The following CCDC38 variants were observed in gnomAD, a reference collection of about 807,000 sequenced individuals.
CCDC38 encodes the protein coiled-coil domain-containing protein 38.
In CCDC38, 69 loss-of-function variants were observed where a neutral mutation model predicts 72.8. That is an observed-to-expected ratio of 0.95 (90% CI 0.78 to 1.16). The LOEUF is 1.16. Ranked by LOEUF, CCDC38 falls within the 50% of genes most tolerant of loss-of-function variation. The pLI, the probability that CCDC38 is intolerant of heterozygous loss-of-function variation, is 0.00. For missense variants in CCDC38, 626 were observed against 638.9 expected (o/e 0.98, Z 0.22); for synonymous variants, 201 against 213.2 (o/e 0.94, Z 0.50).
chr12:95,898,502 G>GAAAC (rs60008366), intron 6 of CCDC38, 37 bp from the exon 7 acceptor site: 261,534 of 1,607,906 alleles, frequency 0.16, 20,985 homozygotes, highest in African/African-American at 0.24. Context: ...TTGCTTCTTA[G>GAAAC]AAACAAACAA....
At chr12:95,912,662 T>C (rs1399874969) in intron 4 of CCDC38, among the ~76,000 whole-genome samples, 2 of 152,236 alleles carry the variant, frequency 1.3e-5, no homozygotes, top group Admixed American at 6.5e-5. Flanking sequence ...GTGATGAATA[T>C]GCTCATTACT....
At chr12:95,936,960 GA>G (rs2136747028) in intron 1 of CCDC38, among the ~76,000 whole-genome samples, 1 of 152,278 alleles carries the variant, frequency 6.6e-6, no homozygotes, top group Non-Finnish European at 1.5e-5. Flanking sequence ...CATGAATCTT[GA>G]TTACATGTGA....
intron 7 of CCDC38, among the ~76,000 whole-genome samples, chr12:95,897,997 A>T (rs2079909169): frequency 6.6e-6 from 1 of 152,214 alleles, no homozygotes; most frequent in Non-Finnish European, 1.5e-5. Context: ...AATTTCAGAG[A>T]TGTTAAAATG....
At chr12:95,869,728 A>G (rs530046133) in intron 14 of CCDC38, 155 bp from the exon 15 acceptor site, 2 of 576,526 alleles carry the variant, frequency 3.5e-6, no homozygotes, top group South Asian at 4.4e-5. Flanking sequence ...TGGCTTTTGA[A>G]TATTCAGGTA....
intron 2 of CCDC38, among the ~76,000 whole-genome samples, chr12:95,935,802 G>A (rs142167356): frequency 1.6e-3 from 241 of 152,214 alleles, no homozygotes; most frequent in African/African-American, 5.7e-3. Flanking sequence ...AAGGAGGCTG[G>A]GCATGATAGC....
intron 12 of CCDC38, 105 bp from the exon 13 acceptor site, chr12:95,878,451 G>A: frequency 9.0e-7 from 1 of 1,113,496 alleles, no homozygotes; most frequent in Non-Finnish European, 1.3e-6. Flanking sequence ...AATCCATGTA[G>A]TGAGCCAAAT....
At chr12:95,903,622 G>T in intron 5 of CCDC38, 8 of 530,866 alleles carry the variant, frequency 1.5e-5, no homozygotes, top group South Asian at 6.0e-5. Flanking sequence ...ATTGTTGAGT[G>T]GTTTTTCTGC....
intron 2 of CCDC38, among the ~76,000 whole-genome samples, chr12:95,929,491 A>G (rs1376709988): frequency 6.6e-6 from 1 of 151,928 alleles, no homozygotes; most frequent in Non-Finnish European, 1.5e-5. Context: ...TGCAGAAATC[A>G]CCTGTCTTCT....
chr12:95,905,607 A>T (rs1013087978), intron 5 of CCDC38, among the ~76,000 whole-genome samples: 2 of 152,246 alleles, frequency 1.3e-5, no homozygotes, highest in African/African-American at 4.8e-5. Flanking sequence ...ATGTGAAATT[A>T]GGAAAAGTCA....
intron 1 of CCDC38, among the ~76,000 whole-genome samples, chr12:95,937,759 T>C (rs751069581): frequency 1.3e-5 from 2 of 152,228 alleles, no homozygotes; most frequent in Non-Finnish European, 2.9e-5. Context: ...TGGTATTTAC[T>C]TATGTGTGAG....
rs186407861 is a variant in CCDC38, at chr12:95,877,528, A to G, written c.1278+683T>C. 4.6e-5 allele frequency among the ~76,000 whole-genome samples: 7 copies of G among 152,286 alleles called. No homozygotes were observed. The East Asian group carries it at 1.3e-3, about 29-fold the overall frequency. On this transcript the variant is annotated intron_variant, in intron 13 of 15. Transcript: ENST00000344280. ...TATATTAGCTTTGAATTTTTATTTC[A>G]TTTGAGGTTTTTATAAGGTAATCAA...
intron 10 of CCDC38, among the ~76,000 whole-genome samples, chr12:95,886,674 C>T (rs370968848): frequency 3.9e-5 from 6 of 152,136 alleles, no homozygotes; most frequent in Non-Finnish European, 8.8e-5. Context: ...GATATTTCAT[C>T]AGAGGATATA....
chr12:95,877,314 A>G (rs1380938793), intron 13 of CCDC38, among the ~76,000 whole-genome samples: 1 of 152,220 alleles, frequency 6.6e-6, no homozygotes, highest in Admixed American at 6.5e-5. Context: ...CATATAGCTT[A>G]GAAGGTATAT....
chr12:95,891,241 A>C (rs2079823290), intron 8 of CCDC38, among the ~76,000 whole-genome samples: 2 of 152,236 alleles, frequency 1.3e-5, no homozygotes, highest in Admixed American at 6.5e-5. Context: ...CATCTGTCGT[A>C]ACTCCTTAAA....
At chr12:95,908,321 G>T in intron 4 of CCDC38, among the ~76,000 whole-genome samples, 1 of 150,472 alleles carries the variant, frequency 6.6e-6, no homozygotes, top group African/African-American at 2.4e-5. Context: ...AACCAGTCAG[G>T]CGTGGCGGCG....
At chr12:95,877,897 G>C (rs2079652238) in intron 13 of CCDC38, among the ~76,000 whole-genome samples, 1 of 152,178 alleles carries the variant, frequency 6.6e-6, no homozygotes, top group South Asian at 2.1e-4. Flanking sequence ...CCACCAAAAT[G>C]ATAACACACA....
In CCDC38 at chr12:95,872,263, C is replaced by T. The variant is rs552060224; in HGVS notation, c.1476G>A (p.Trp492Ter). ...EAIERMKQKE[W>*]RQKFRDEKMK... ...ATCCTTATTGACTGTACTTTTGCCGCCATTCTTTCTGTTTCATCCTCTCAA... is the reference window on the plus strand; with the variant it reads ...ATCCTTATTGACTGTACTTTTGCCGTCATTCTTTCTGTTTCATCCTCTCAA... Residue 492 changes from tryptophan to a stop codon, truncating the protein, a stop_gained, in exon 14 of 16, where the codon TGG (tryptophan) becomes TGA (stop). Coordinates refer to ENST00000344280, the MANE Select transcript of CCDC38 (RefSeq NM_182496.3). LOFTEE classifies it high-confidence loss of function. 12 of 1,614,134 alleles carry T rather than the reference C, an allele frequency of 7.4e-6. No individual in the cohort carries two copies. The highest frequency in any genetic ancestry group is 3.3e-5 in the Admixed American group (2 of 60,008).
At chr12:95,904,529 T>A (rs2079982017) in intron 5 of CCDC38, among the ~76,000 whole-genome samples, 2 of 152,360 alleles carry the variant, frequency 1.3e-5, no homozygotes, top group Non-Finnish European at 2.9e-5. Flanking sequence ...AGAGCCTGAG[T>A]AAGTTCTAAA....
At chr12:95,887,977 A>T (rs1426315500) in intron 10 of CCDC38, among the ~76,000 whole-genome samples, 1 of 152,130 alleles carries the variant, frequency 6.6e-6, no homozygotes, top group Non-Finnish European at 1.5e-5. Context: ...GGGCTGGTGT[A>T]CCCATCCCAG....
Sources: allele counts gnomAD v4.1 joint callset (sites outside exome capture counted in the v4.1 genomes callset), GRCh38; gene constraint gnomAD v4.1.1; transcripts MANE v1.5; gene names NCBI Gene and HGNC (gene_info 2026-07-23, HGNC 2026-07-21).